VPS13B: variants seen among roughly 807,000 people sequenced by gnomAD.
The protein encoded by VPS13B is vacuolar protein sorting 13 homolog B.
Under a neutral mutation model 426.4 loss-of-function variants are expected in VPS13B, and 285 were observed. The ratio of observed to expected loss-of-function variants is 0.67; its 90% CI spans 0.61 to 0.74. VPS13B has a LOEUF of 0.74. VPS13B is among the 30% of genes least tolerant of loss of function. VPS13B has a pLI of 0.00. For synonymous variants in VPS13B, 1,676 were observed against 1,676.4 expected (o/e 1.00, Z 0.01); for missense variants, 4,537 against 4,782.6 (o/e 0.95, Z 1.51).
chr8:99,595,842 G>A (rs1826981488), intron 33 of VPS13B, among the ~76,000 whole-genome samples: 1 of 151,840 alleles, frequency 6.6e-6, no homozygotes, highest in Admixed American at 6.6e-5. Context: ...TTTTTAAATG[G>A]GCTCAAAGAA....
At chr8:99,571,660 C>T (rs1011995191) in intron 31 of VPS13B, among the ~76,000 whole-genome samples, 3 of 151,992 alleles carry the variant, frequency 2.0e-5, no homozygotes, top group Admixed American at 6.6e-5. Flanking sequence ...ATTTTTAATA[C>T]ATCATATATT....
Position 99,776,755 on chromosome 8 carries a change from T to A in VPS13B, c.7248-20T>A. On this transcript the variant is annotated intron_variant, in intron 40 of 61. Transcript: ENST00000357162. ...GGAAATTTTGGTTATTGAACTTCTT[T>A]TATCACTTCTTTCCCATAGCTCTGC... The A allele has an allele frequency of 6.2e-7, 1 of 1,613,938 alleles. No homozygotes were observed. Among genetic ancestry groups the A allele is most frequent in the Non-Finnish European group, 8.5e-7 (1 of 1,179,862 alleles).
intron 43 of VPS13B, among the ~76,000 whole-genome samples, chr8:99,803,324 A>C (rs1211088526): frequency 1.3e-5 from 2 of 152,210 alleles, no homozygotes; most frequent in Non-Finnish European, 2.9e-5. Context: ...TAATTCAGAT[A>C]ATCTTGAGAG....
chr8:99,294,056 C>G (rs1455787750), intron 19 of VPS13B, among the ~76,000 whole-genome samples: 3 of 110,264 alleles, frequency 2.7e-5, no homozygotes, highest in Non-Finnish European at 5.7e-5. Context: ...ACCCAAATGA[C>G]TATAAATCAT....
chr8:99,436,770 T>TGC (rs1817399689), intron 22 of VPS13B, among the ~76,000 whole-genome samples: 1 of 152,126 alleles, frequency 6.6e-6, no homozygotes, highest in South Asian at 2.1e-4. Flanking sequence ...GACAGAGTCT[T>TGC]AGTTGTCGCC....
chr8:99,022,031 T>C (rs1275672508), intron 2 of VPS13B, among the ~76,000 whole-genome samples: 2 of 152,158 alleles, frequency 1.3e-5, no homozygotes, highest in African/African-American at 2.4e-5. Context: ...ATTGCTAGGG[T>C]CTTATTAATT....
At chr8:99,744,129 G>GAA (rs544114488) in intron 39 of VPS13B, among the ~76,000 whole-genome samples, 1 of 151,400 alleles carries the variant, frequency 6.6e-6, no homozygotes, top group East Asian at 1.9e-4. Flanking sequence ...AAATTTACAA[G>GAA]AAAAAAAACC....
chr8:99,586,870 C>A (rs779022278), intron 33 of VPS13B, among the ~76,000 whole-genome samples: 1 of 152,092 alleles, frequency 6.6e-6, no homozygotes. Context: ...GGTACATGTG[C>A]ACAACATGCA....
At chr8:99,429,517 T>G (rs1588369678) in intron 21 of VPS13B, 1 of 152,330 alleles carries the variant, frequency 6.6e-6, no homozygotes, top group East Asian at 1.9e-4. Context: ...AAATCTCAGT[T>G]TAAGACATCC....
At chr8:99,220,146 A>G (rs1178588277) in intron 17 of VPS13B, among the ~76,000 whole-genome samples, 1 of 152,196 alleles carries the variant, frequency 6.6e-6, no homozygotes, top group Non-Finnish European at 1.5e-5. Flanking sequence ...CAGAGAGCTT[A>G]AAGTCATCTG....
In VPS13B at chr8:99,871,448, GA is replaced by G; in HGVS notation, c.11500del (p.Met3834CysfsTer19). 1 of 1,614,166 alleles carries G rather than the reference GA, an allele frequency of 6.2e-7. No homozygotes were observed. The highest frequency in any genetic ancestry group is 8.5e-7 in the Non-Finnish European group (1 of 1,180,036). ...GCCTCACTTTTCTCCTTTTAAACAG[GA>G]AAATGCTTCAGTCTCTGGGCAGACC... ...APNSHVKYVW[K>X]MLQSLGRPEV... On this transcript the variant is annotated frameshift_variant and splice_region_variant, in exon 61 of 62. Transcript: ENST00000357162. LOFTEE classifies it high-confidence loss of function.
intron 35 of VPS13B, among the ~76,000 whole-genome samples, chr8:99,664,168 G>A (rs1234087845): frequency 3.3e-5 from 5 of 151,578 alleles, no homozygotes; most frequent in Admixed American, 2.6e-4. Flanking sequence ...CATCACACCC[G>A]GCTAATTTTT....
chr8:99,392,755 A>G (rs1278227335), intron 21 of VPS13B, among the ~76,000 whole-genome samples: 2 of 152,114 alleles, frequency 1.3e-5, no homozygotes, highest in East Asian at 1.9e-4. Flanking sequence ...TTTGTGCTTT[A>G]TGATTTTTCC....
intron 55 of VPS13B, among the ~76,000 whole-genome samples, chr8:99,852,250 A>C (rs1241811678): frequency 6.6e-6 from 1 of 152,262 alleles, no homozygotes. Flanking sequence ...TCATTTAGAC[A>C]TCTAAGTGAC....
intron 21 of VPS13B, among the ~76,000 whole-genome samples, chr8:99,417,179 C>T (rs1485646238): frequency 6.6e-6 from 1 of 152,012 alleles, no homozygotes; most frequent in East Asian, 1.9e-4. Flanking sequence ...ATCTGATTAA[C>T]CAAAGTATTT....
intron 4 of VPS13B, among the ~76,000 whole-genome samples, chr8:99,097,239 C>T (rs951166060): frequency 6.6e-5 from 10 of 152,274 alleles, no homozygotes; most frequent in African/African-American, 1.9e-4. Context: ...ATGGATTATG[C>T]TTCAAAGTAT....
At chr8:99,634,623 A>G (rs1346520099) in intron 33 of VPS13B, among the ~76,000 whole-genome samples, 1 of 152,054 alleles carries the variant, frequency 6.6e-6, no homozygotes, top group Non-Finnish European at 1.5e-5. Flanking sequence ...GATCTTGTAT[A>G]GCATTTAGTT....
At chr8:99,303,329 G>A (rs1191903145) in intron 19 of VPS13B, among the ~76,000 whole-genome samples, 3 of 148,006 alleles carry the variant, frequency 2.0e-5, no homozygotes, top group Admixed American at 1.4e-4. Context: ...TTGCAAAAGT[G>A]TTGCTGTGAA....
chr8:99,758,514 G>A (rs1563903182), intron 39 of VPS13B, among the ~76,000 whole-genome samples: 1 of 152,172 alleles, frequency 6.6e-6, no homozygotes. Flanking sequence ...AGGTAGCATT[G>A]TTATCTTTAA....
Sources: allele counts gnomAD v4.1 joint callset (sites outside exome capture counted in the v4.1 genomes callset), GRCh38; gene constraint gnomAD v4.1.1; transcripts MANE v1.5; gene names NCBI Gene and HGNC (gene_info 2026-07-23, HGNC 2026-07-21).